The following MAGI2 variants were observed in gnomAD, a reference collection of about 807,000 sequenced individuals.
MAGI2 encodes membrane associated guanylate kinase, WW and PDZ domain containing 2, also known as membrane-associated guanylate kinase, WW and PDZ domain-containing protein 2.
A neutral mutation model predicts 133.3 loss-of-function variants in MAGI2; 35 were observed. That is an observed-to-expected ratio of 0.26 (90% confidence interval 0.20 to 0.35). MAGI2 has a LOEUF of 0.35. Among genes scored for constraint, MAGI2 ranks in the 10% least tolerant of loss-of-function variants. MAGI2 has a pLI of 1.00. For synonymous variants in MAGI2, 729 were observed against 710.6 expected (o/e 1.03, Z -0.41); for missense variants, 1,636 against 1,863.4 (o/e 0.88, Z 2.25).
At chr7:79,164,723 C>T (rs1374620127) in intron 1 of MAGI2, among the ~76,000 whole-genome samples, 1 of 151,964 alleles carries the variant, frequency 6.6e-6, no homozygotes, top group Non-Finnish European at 1.5e-5. Context: ...CATTGAATTG[C>T]CCTGCCTTTC....
chr7:78,564,087 T>C (rs1800682667), intron 3 of MAGI2, among the ~76,000 whole-genome samples: 1 of 152,174 alleles, frequency 6.6e-6, no homozygotes, highest in South Asian at 2.1e-4. Flanking sequence ...GGGAGACACA[T>C]CAACTCTAAA....
intron 6 of MAGI2, among the ~76,000 whole-genome samples, chr7:78,459,407 A>G (rs1176900545): frequency 7.9e-5 from 12 of 152,216 alleles, no homozygotes; most frequent in Non-Finnish European, 1.6e-4. Context: ...AGTTACATCT[A>G]TGAGGGCTCT....
intron 9 of MAGI2, among the ~76,000 whole-genome samples, chr7:78,305,373 C>T (rs1459290946): frequency 6.6e-6 from 1 of 152,276 alleles, no homozygotes. Flanking sequence ...CCAAAAGCTC[C>T]GTGAGACAGC....
intron 2 of MAGI2, among the ~76,000 whole-genome samples, chr7:78,650,842 C>T (rs557436104): frequency 6.6e-6 from 1 of 152,224 alleles, no homozygotes; most frequent in Non-Finnish European, 1.5e-5. Context: ...TTTGAGGGGA[C>T]ATGATGTCCA....
intron 1 of MAGI2, among the ~76,000 whole-genome samples, chr7:79,138,083 C>T (rs1006676689): frequency 7.2e-5 from 11 of 152,164 alleles, no homozygotes; most frequent in African/African-American, 9.7e-5. Context: ...GGATTCTTCC[C>T]TAGAGTCTCC....
At chr7:79,119,747 C>T (rs369114505) in intron 1 of MAGI2, among the ~76,000 whole-genome samples, 118 of 151,950 alleles carry the variant, frequency 7.8e-4, no homozygotes, top group African/African-American at 2.3e-3. Flanking sequence ...AATCTAACAT[C>T]GAAGGGAAGG....
intron 1 of MAGI2, among the ~76,000 whole-genome samples, chr7:79,294,602 C>T (rs1836765946): frequency 6.6e-6 from 1 of 151,670 alleles, no homozygotes; most frequent in African/African-American, 2.4e-5. Flanking sequence ...GGATATCTTG[C>T]TGAGGAGTTT....
At chr7:79,063,445 T>A (rs1407399634) in intron 1 of MAGI2, among the ~76,000 whole-genome samples, 2 of 152,106 alleles carry the variant, frequency 1.3e-5, no homozygotes, top group Admixed American at 1.3e-4. Flanking sequence ...CATGGTGAAG[T>A]TTGAAATTGA....
At chr7:78,995,970 A>G (rs745400332) in intron 2 of MAGI2, among the ~76,000 whole-genome samples, 35 of 152,200 alleles carry the variant, frequency 2.3e-4, no homozygotes, top group Admixed American at 5.9e-4. Context: ...TTATGGGAAC[A>G]CTATGAGAAT....
At chr7:78,473,027 C>T (rs1028977994) in intron 6 of MAGI2, among the ~76,000 whole-genome samples, 5 of 151,980 alleles carry the variant, frequency 3.3e-5, no homozygotes, top group South Asian at 4.1e-4. Flanking sequence ...CTCTCAGAGC[C>T]GTGATCTCTT....
At chr7:78,056,834 A>G (rs1203554340) in intron 21 of MAGI2, among the ~76,000 whole-genome samples, 2 of 152,148 alleles carry the variant, frequency 1.3e-5, no homozygotes, top group Non-Finnish European at 2.9e-5. Flanking sequence ...TGAAGAAAAA[A>G]GAAATTCCAC....
chr7:79,332,763 GC>G (rs369156416), intron 1 of MAGI2, among the ~76,000 whole-genome samples: 28 of 152,052 alleles, frequency 1.8e-4, no homozygotes, highest in African/African-American at 6.5e-4. Context: ...ATATCCCTTT[GC>G]CTATATTTAA....
chr7:78,890,023 G>C (rs1250978250), intron 2 of MAGI2, among the ~76,000 whole-genome samples: 1 of 152,178 alleles, frequency 6.6e-6, no homozygotes, highest in East Asian at 1.9e-4. Flanking sequence ...AAAATAAAGG[G>C]ATGGAGGAAG....
At chr7:78,687,594 A>G (rs1202892764) in intron 2 of MAGI2, among the ~76,000 whole-genome samples, 1 of 152,158 alleles carries the variant, frequency 6.6e-6, no homozygotes, top group Non-Finnish European at 1.5e-5. Flanking sequence ...TGTATGTTGA[A>G]TGCATTAATA....
intron 1 of MAGI2, among the ~76,000 whole-genome samples, chr7:79,030,580 T>C (rs532261150): frequency 4.6e-5 from 7 of 152,294 alleles, no homozygotes; most frequent in African/African-American, 1.4e-4. Flanking sequence ...GCAAACATGC[T>C]AAATGCATGA....
chr7:79,375,943 T>C (rs1843348985), intron 1 of MAGI2, among the ~76,000 whole-genome samples: 1 of 151,970 alleles, frequency 6.6e-6, no homozygotes, highest in African/African-American at 2.4e-5. Context: ...AGAAAATTAA[T>C]GCATAACAAT....
chr7:79,383,749 T>C (rs1490349023), intron 1 of MAGI2, among the ~76,000 whole-genome samples: 2 of 151,336 alleles, frequency 1.3e-5, no homozygotes, highest in Non-Finnish European at 3.0e-5. Context: ...AAAGAAAAAA[T>C]ACATCTTTAT....
chr7:78,388,291 A>G (rs897861997), intron 6 of MAGI2, among the ~76,000 whole-genome samples: 2 of 140,354 alleles, frequency 1.4e-5, no homozygotes, highest in East Asian at 5.4e-4. Flanking sequence ...CATCATCATC[A>G]TCATCGTCAT....
chr7:79,359,729 T>G (rs1355212867), intron 1 of MAGI2, among the ~76,000 whole-genome samples: 1 of 142,144 alleles, frequency 7.0e-6, no homozygotes, highest in African/African-American at 2.6e-5. Context: ...ACAAAAAAAC[T>G]ACCAACCACA....
Sources: gnomAD v4.1 joint callset for allele counts (sites outside exome capture counted in the v4.1 genomes callset) on GRCh38, gnomAD v4.1.1 for gene constraint, MANE v1.5 for transcripts, NCBI Gene and HGNC (gene_info 2026-07-23, HGNC 2026-07-21) for gene names.